Variants in DPP10 observed in about 807,000 individuals in gnomAD.
DPP10 encodes the protein dipeptidyl peptidase like 10.
Under a neutral mutation model 120.9 loss-of-function variants are expected in DPP10, and 33 were observed. The observed-to-expected ratio is 0.27, with a 90% confidence interval of 0.21 to 0.37. The LOEUF is 0.37. Among genes scored for constraint, DPP10 ranks in the 10% least tolerant of loss-of-function variants. The pLI is 1.00. For synonymous variants in DPP10, 337 were observed against 326.1 expected (o/e 1.03, Z -0.36); for missense variants, 816 against 942.8 (o/e 0.87, Z 1.76).
chr2:115,300,823 C>G (rs1026970544), intron 1 of DPP10, among the ~76,000 whole-genome samples: 9 of 151,812 alleles, frequency 5.9e-5, no homozygotes, highest in African/African-American at 2.2e-4. Flanking sequence ...AAATCTGAAG[C>G]CTTGTTTCTT....
chr2:114,771,179 C>T (rs1054944132), intron 1 of DPP10, among the ~76,000 whole-genome samples: 1 of 152,120 alleles, frequency 6.6e-6, no homozygotes, highest in Non-Finnish European at 1.5e-5. Context: ...TGGCTGTATG[C>T]ATTTTATGTG....
intron 1 of DPP10, among the ~76,000 whole-genome samples, chr2:114,904,511 C>T (rs1693819024): frequency 1.3e-5 from 2 of 152,054 alleles, no homozygotes; most frequent in Non-Finnish European, 2.9e-5. Flanking sequence ...TTGAGGAAGA[C>T]ATTATTAAAC....
intron 3 of DPP10, among the ~76,000 whole-genome samples, chr2:115,360,043 C>T (rs1467502383): frequency 6.6e-6 from 1 of 152,136 alleles, no homozygotes; most frequent in Non-Finnish European, 1.5e-5. Context: ...TGGGTTTCAG[C>T]TTTCTCTTGA....
chr2:114,907,123 G>A (rs1214026324), intron 1 of DPP10, among the ~76,000 whole-genome samples: 1 of 149,112 alleles, frequency 6.7e-6, no homozygotes, highest in Non-Finnish European at 1.5e-5. Flanking sequence ...GTTTTTTATA[G>A]TATTCACTTT....
At chr2:115,020,366 A>G (rs927289243) in intron 1 of DPP10, among the ~76,000 whole-genome samples, 4 of 152,196 alleles carry the variant, frequency 2.6e-5, no homozygotes, top group Non-Finnish European at 5.9e-5. Context: ...AGCTATTCTT[A>G]TATCAGACAA....
At chr2:115,457,372 C>T (rs1051985862) in intron 3 of DPP10, among the ~76,000 whole-genome samples, 1 of 152,072 alleles carries the variant, frequency 6.6e-6, no homozygotes, top group Non-Finnish European at 1.5e-5. Context: ...AATGTGATAT[C>T]AAGAGCATCA....
Position 115,791,318 on chromosome 2 carries a change from T to G in DPP10, c.1662T>G (p.Asp554Glu). Residue 554 changes from aspartate (D) to glutamate (E), a missense_variant, in exon 19 of 26, where the codon GAT (aspartate) becomes GAG (glutamate). Physicochemically the swap from Asp to Glu is conservative, Grantham distance 45 (BLOSUM62 2). Coordinates refer to ENST00000410059, the MANE Select transcript of DPP10 (RefSeq NM_020868.6). ...CTTTACAGTTGTCCCTTCCCAAAGA[T>G]TTTATGGACCGAAACCAGTATGCTC... ...ELPLQLSLPK[D>E]FMDRNQYALL... 6.2e-7 allele frequency: 1 copy of G among 1,611,850 alleles called. No individual in the cohort carries two copies. Among genetic ancestry groups the G allele is most frequent in the Non-Finnish European group, 8.5e-7 (1 of 1,179,328 alleles).
At chr2:114,833,529 A>G (rs1460995615) in intron 1 of DPP10, 1 of 152,192 alleles carries the variant, frequency 6.6e-6, no homozygotes, top group Non-Finnish European at 1.5e-5. Flanking sequence ...TTCTCTTCCA[A>G]ACATACAGGT....
intron 2 of DPP10, among the ~76,000 whole-genome samples, chr2:115,336,581 CTGTCTCTCTCTCTCTCTCTA>C (rs1240416733): frequency 3.4e-5 from 5 of 146,042 alleles, no homozygotes; most frequent in African/African-American, 1.2e-4. Context: ...CTCTCTCTCT[CTGTCTCTCTCTCTCTCTCTA>C]TATATATATA....
chr2:115,379,390 G>T (rs546250749), intron 3 of DPP10, among the ~76,000 whole-genome samples: 28 of 152,218 alleles, frequency 1.8e-4, no homozygotes, highest in African/African-American at 6.5e-4. Context: ...TGTGGGATCG[G>T]TGGTGATATC....
intron 1 of DPP10, among the ~76,000 whole-genome samples, chr2:114,512,422 T>C (rs1226945530): frequency 1.3e-5 from 2 of 152,184 alleles, no homozygotes; most frequent in Non-Finnish European, 2.9e-5. Context: ...CTTGGTGATA[T>C]AGAAACTGCA....
intron 1 of DPP10, among the ~76,000 whole-genome samples, chr2:115,010,069 A>C (rs796324610): frequency 5.3e-5 from 8 of 152,310 alleles, no homozygotes; most frequent in African/African-American, 1.9e-4. Context: ...GATTTTTACA[A>C]GTATGCAACT....
chr2:115,256,003 T>TAAA, intron 1 of DPP10, among the ~76,000 whole-genome samples: 1 of 152,308 alleles, frequency 6.6e-6, no homozygotes, highest in African/African-American at 2.4e-5. Flanking sequence ...CGGGTCTCTT[T>TAAA]ACGGCAGCAC....
chr2:115,198,754 CCTTTA>C (rs1342771605), intron 1 of DPP10, among the ~76,000 whole-genome samples: 26 of 152,150 alleles, frequency 1.7e-4, no homozygotes, highest in Middle Eastern at 3.4e-3. Context: ...TTTTCTTGTT[CCTTTA>C]CATTACTAAA....
In DPP10 at chr2:115,844,777, T is replaced by G. The variant is rs272007; in HGVS notation, c.*2432T>G. 43 of 152,334 alleles carry G rather than the reference T, an allele frequency of 2.8e-4. No homozygotes were observed. In the East Asian group the frequency reaches 4.8e-3, roughly 17 times the overall value. 9.4% of individuals were successfully genotyped at this position (152,334 alleles called of 1,614,324 possible). On this transcript the variant is annotated 3_prime_UTR_variant, in exon 26 of 26. Coordinates refer to ENST00000410059, the MANE Select transcript of DPP10 (RefSeq NM_020868.6). ...GAAAAAAATCAATATATTGAATTCT[T>G]TAATTAAATAGGTAAGCAGTATTAA... is the stretch of plus-strand genomic sequence containing the variant.
At chr2:115,442,503 G>A (rs1419437011) in intron 3 of DPP10, among the ~76,000 whole-genome samples, 1 of 152,082 alleles carries the variant, frequency 6.6e-6, no homozygotes, top group Non-Finnish European at 1.5e-5. Context: ...GTGTCCAGTG[G>A]AATGTTGCTT....
intron 1 of DPP10, among the ~76,000 whole-genome samples, chr2:114,797,042 G>A (rs1683779240): frequency 1.3e-5 from 2 of 152,174 alleles, no homozygotes; most frequent in Admixed American, 6.5e-5. Flanking sequence ...AAAAGAGAAT[G>A]AGAAACAAAA....
intron 1 of DPP10, among the ~76,000 whole-genome samples, chr2:114,646,478 C>G (rs1369174313): frequency 6.6e-6 from 1 of 152,176 alleles, no homozygotes; most frequent in Non-Finnish European, 1.5e-5. Flanking sequence ...TCTTGGGGCA[C>G]TTTTGGTCCC....
intron 1 of DPP10, among the ~76,000 whole-genome samples, chr2:115,108,846 C>T (rs1398852363): frequency 1.3e-5 from 2 of 152,090 alleles, no homozygotes; most frequent in Non-Finnish European, 2.9e-5. Context: ...AAGTTGGGTT[C>T]ATGGTTGAGA....
Sources: allele counts gnomAD v4.1 joint callset (sites outside exome capture counted in the v4.1 genomes callset), GRCh38; gene constraint gnomAD v4.1.1; transcripts MANE v1.5; gene names NCBI Gene and HGNC (gene_info 2026-07-23, HGNC 2026-07-21).